The following D2HGDH variants were observed in gnomAD, a reference collection of about 807,000 sequenced individuals.
D2HGDH encodes D-2-hydroxyglutarate dehydrogenase.
D2HGDH carries 31 observed loss-of-function variants against 46.9 expected under a neutral mutation model. The observed-to-expected ratio is 0.66, with a 90% CI of 0.50 to 0.89. The LOEUF is 0.89. Ranked by LOEUF, D2HGDH falls within the 40% of genes least tolerant of loss-of-function variation. D2HGDH has a pLI of 0.00. For synonymous variants in D2HGDH, 364 were observed against 332.6 expected (o/e 1.09, Z -1.03); for missense variants, 698 against 720.8 (o/e 0.97, Z 0.36).
intron 8 of D2HGDH, chr2:241,754,751 C>A: frequency 4.0e-6 from 1 of 247,844 alleles, no homozygotes; most frequent in Admixed American, 5.1e-5. Context: ...CTACAGGTGC[C>A]CACCACCAAA....
intron 9 of D2HGDH, among the ~76,000 whole-genome samples, chr2:241,763,178 G>T (rs985325389): frequency 1.3e-5 from 2 of 152,224 alleles, no homozygotes; most frequent in African/African-American, 2.4e-5. Flanking sequence ...GAATGATGGG[G>T]ATGCGTCCTG....
chr2:241,738,932 G>A (rs1693669843), intron 2 of D2HGDH, among the ~76,000 whole-genome samples: 1 of 152,212 alleles, frequency 6.6e-6, no homozygotes. Context: ...TGGAGAGAGA[G>A]CTTGTCTAGA....
chr2:241,742,130 A>G lies in D2HGDH; in HGVS notation c.351-305A>G, dbSNP rs1694633455. ...GGAACCCTGAGCTGGACCCTCTGTG[A>G]GCATGGTGTGAACGGGAAGGATGGG... On this transcript the variant is annotated intron_variant, in intron 3 of 9. Coordinates refer to ENST00000321264, the MANE Select transcript of D2HGDH (RefSeq NM_152783.5). The surrounding 1 kb of genome is among the most constrained non-coding windows in gnomAD (Gnocchi z 4.8). Among the ~76,000 whole-genome samples the G allele has an allele frequency of 6.6e-6, 1 of 152,086 alleles. No individual in the cohort carries two copies. The highest frequency in any genetic ancestry group is 6.5e-5 in the Admixed American group (1 of 15,278).
intron 9 of D2HGDH, among the ~76,000 whole-genome samples, chr2:241,760,449 G>A (rs760787948): frequency 1.7e-4 from 19 of 114,132 alleles, no homozygotes; most frequent in South Asian, 3.0e-4. Context: ...TGGGCCTTAC[G>A]CAATCAGTTG....
rs62192029 is a variant in D2HGDH at position 241,758,370 on chromosome 2, C to T, written c.1306+2356C>T. 5.5e-3 allele frequency among the ~76,000 whole-genome samples: 836 copies of T among 152,300 alleles called. 2 individuals carry two copies. The highest frequency in any genetic ancestry group is 0.01 in the Middle Eastern group (3 of 294). ...GCTTCTTCAATAGCTTTAGGACTTT[C>T]AAGCTTTCCTTTCTTCTAGATTGGT... On this transcript the variant is annotated intron_variant, in intron 9 of 9. Coordinates refer to ENST00000321264, the MANE Select transcript of D2HGDH (RefSeq NM_152783.5).
chr2:241,751,493 GT>G lies in D2HGDH; in HGVS notation c.1140+106del, dbSNP rs1040280824. On this transcript the variant is annotated intron_variant, in intron 8 of 9. Transcript: ENST00000321264. ...TGGTGCAGCCTAGACAGTGTGGGATGTGGCTGAAATGTGACTGGGTTTCATG... is the reference window on the plus strand; with the variant it reads ...TGGTGCAGCCTAGACAGTGTGGGATGGGCTGAAATGTGACTGGGTTTCATG... The G allele has an allele frequency of 1.2e-4, 186 of 1,524,628 alleles. No homozygotes were observed. The African/African-American group carries it at 2.3e-3, about 19-fold the overall frequency. 94.4% of individuals were successfully genotyped at this position (1,524,628 alleles called of 1,614,324 possible).
At position 241,767,996 on chromosome 2, in the gene D2HGDH, C is replaced by A; in HGVS notation, c.*27C>A. The stretch of plus-strand genomic sequence containing the variant: ...GGCCACTCCTGCTGCTGCCAAGGCC[C>A]ACTGGGGGTCGGCGGGTGGCTCTCG... On this transcript the variant is annotated 3_prime_UTR_variant, in exon 10 of 10. Coordinates refer to ENST00000321264, the MANE Select transcript of D2HGDH (RefSeq NM_152783.5). The A allele has an allele frequency of 6.4e-7, 1 of 1,565,728 alleles. No individual in the cohort carries two copies. The highest frequency in any genetic ancestry group is 8.6e-7 in the Non-Finnish European group (1 of 1,161,302).
chr2:241,752,335 G>A (rs1697394619), intron 8 of D2HGDH, among the ~76,000 whole-genome samples: 1 of 152,100 alleles, frequency 6.6e-6, no homozygotes, highest in Admixed American at 6.5e-5. Context: ...AATGGCAGCT[G>A]TGTGGTGCCA....
intron 9 of D2HGDH, among the ~76,000 whole-genome samples, chr2:241,758,025 G>T (rs546908330): frequency 6.6e-6 from 1 of 152,226 alleles, no homozygotes; most frequent in African/African-American, 2.4e-5. Flanking sequence ...ATCTGTCATG[G>T]TGACCGGGTG....
At chr2:241,762,442 C>T (rs1473285461) in intron 9 of D2HGDH, among the ~76,000 whole-genome samples, 1 of 152,156 alleles carries the variant, frequency 6.6e-6, no homozygotes, top group African/African-American at 2.4e-5. Flanking sequence ...CTGGTTTGGC[C>T]GGGAGTCGGC....
At chr2:241,737,717 T>C (rs529750854) in intron 2 of D2HGDH, among the ~76,000 whole-genome samples, 2 of 152,254 alleles carry the variant, frequency 1.3e-5, no homozygotes, top group South Asian at 4.1e-4. Context: ...ATGGTGAAAC[T>C]CTATCTCTAC....
chr2:241,735,080 T>C, intron 1 of D2HGDH, 53 bp from the exon 2 acceptor site: 1 of 911,742 alleles, frequency 1.1e-6, no homozygotes, highest in Non-Finnish European at 1.5e-6. Context: ...TGCAAGCGTG[T>C]TTCAATTTGT....
chr2:241,751,511 G>C, intron 8 of D2HGDH, 123 bp downstream of exon 8: 1 of 1,444,142 alleles, frequency 6.9e-7, no homozygotes. Context: ...AATGTGACTG[G>C]GTTTCATGGC....
chr2:241,744,981 C>T lies in D2HGDH; in HGVS notation c.853+104C>T, dbSNP rs540755287. The stretch of plus-strand genomic sequence containing the variant: ...GGAAGGGGATGGAGGGACCCCCCGC[C>T]AAGGACAGTCGGTTCCCGTGTCTCC... On this transcript the variant is annotated intron_variant, in intron 6 of 9. Transcript: ENST00000321264. 1.1e-5 allele frequency: 16 copies of T among 1,475,296 alleles called. No homozygotes were observed. In the East Asian group the frequency reaches 3.4e-4, roughly 32 times the overall value. 91.4% of individuals were successfully genotyped at this position (1,475,296 alleles called of 1,614,324 possible).
rs1559365029 is a variant in D2HGDH, at chr2:241,744,888, T to G, written c.853+11T>G. ...ACGTGGCTTTCCTCGGTGGGCTTCC[T>G]CGATGTGTGCCTTGAGATGGGTGGT... On this transcript the variant is annotated intron_variant, in intron 6 of 9. Transcript: ENST00000321264. 1 of 1,614,066 alleles carries G rather than the reference T, an allele frequency of 6.2e-7. No homozygotes were observed. The highest frequency in any genetic ancestry group is 8.5e-7 in the Non-Finnish European group (1 of 1,179,952).
Position 241,742,688 on chromosome 2 carries a change from G to A in D2HGDH, c.490+114G>A. The A allele has an allele frequency of 4.3e-6, 6 of 1,385,508 alleles. No homozygotes were observed. Among genetic ancestry groups the A allele is most frequent in the Non-Finnish European group, 5.1e-6 (5 of 980,172 alleles). 85.8% of individuals were successfully genotyped at this position (1,385,508 alleles called of 1,614,324 possible). A position where few individuals can be genotyped will look rare whatever the true frequency, so the allele number is the denominator to read the frequency against. On this transcript the variant is annotated intron_variant, in intron 4 of 9. Coordinates refer to ENST00000321264, the MANE Select transcript of D2HGDH (RefSeq NM_152783.5). This position sits in a 1 kb window ranked among gnomAD's most constrained non-coding sequence, Gnocchi z 4.8. Reference sequence around the variant, plus strand: ...TGGGTGGGTGAATGAGTTAGGGCCGGCGCTGGGGAAAGAACCAGCGTCTGT... The same window carrying A: ...TGGGTGGGTGAATGAGTTAGGGCCGACGCTGGGGAAAGAACCAGCGTCTGT...
At chr2:241,749,248 C>G in intron 6 of D2HGDH, 1 of 1,216,100 alleles carries the variant, frequency 8.2e-7, no homozygotes, top group Non-Finnish European at 1.1e-6. Context: ...CACACCCCGA[C>G]ATGGTGCTCG....
At chr2:241,750,108 G>A in intron 6 of D2HGDH, 43 bp from the exon 7 acceptor site, 2 of 1,613,332 alleles carry the variant, frequency 1.2e-6, no homozygotes. Context: ...GGTGGGCTGG[G>A]TTTAGCTCCG....
At chr2:241,748,628 C>T (rs904803815) in intron 6 of D2HGDH, among the ~76,000 whole-genome samples, 1 of 152,230 alleles carries the variant, frequency 6.6e-6, no homozygotes, top group Non-Finnish European at 1.5e-5. Flanking sequence ...TTCTCATTGC[C>T]CCTCTCGCCC....
Sources: allele counts gnomAD v4.1 joint callset (sites outside exome capture counted in the v4.1 genomes callset), GRCh38; gene constraint gnomAD v4.1.1; non-coding constraint Gnocchi (gnomAD v3.1); transcripts MANE v1.5; gene names NCBI Gene and HGNC (gene_info 2026-07-23, HGNC 2026-07-21).